CYSTM1: variants seen among roughly 807,000 people sequenced by gnomAD.
CYSTM1 encodes the protein cysteine rich transmembrane module containing 1.
A neutral mutation model predicts 13.1 loss-of-function variants in CYSTM1; 4 were observed. That is an observed-to-expected ratio of 0.31 (90% CI 0.15 to 0.70). The LOEUF is 0.70. CYSTM1 is among the 30% of genes least tolerant of loss of function. The probability of loss-of-function intolerance (pLI) is 0.72; values close to 1 mark genes in which losing one functional copy is unlikely to be tolerated. For synonymous variants in CYSTM1, 36 were observed against 42.7 expected, an observed-to-expected ratio of 0.84 and a Z score of 0.62; for missense variants, 96 against 121.6, an observed-to-expected ratio of 0.79 and a Z score of 0.99.
At chr5:140,224,200 C>T (rs1245943394) in intron 2 of CYSTM1, among the ~76,000 whole-genome samples, 2 of 152,090 alleles carry the variant, frequency 1.3e-5, no homozygotes, top group African/African-American at 4.8e-5. Context: ...AGTGCAGTGG[C>T]GAAATCTCGG....
Position 140,243,572 on chromosome 5 carries a change from T to TTTAA in CYSTM1, c.*164_*167dup. On this transcript the variant is annotated 3_prime_UTR_variant, in exon 3 of 3. Transcript: ENST00000261811. ...TCTAGATTAATGGGGGTTGCTACTG[T>TTTAA]TTAATTCAGTGACTTGATCTTTTTA... 1.8e-6 allele frequency: 1 copy of TTTAA among 542,350 alleles called. No individual in the cohort carries two copies. The highest frequency in any genetic ancestry group is 3.2e-6 in the Non-Finnish European group (1 of 309,488). 33.6% of individuals were successfully genotyped at this position (542,350 alleles called of 1,614,324 possible).
intron 2 of CYSTM1, among the ~76,000 whole-genome samples, chr5:140,214,873 C>T (rs983520892): frequency 2.6e-5 from 4 of 152,194 alleles, no homozygotes; most frequent in African/African-American, 9.7e-5. Flanking sequence ...TGCTGTAGGT[C>T]ATTGGTGTGG....
chr5:140,241,148 C>G (rs1764742828), intron 2 of CYSTM1, among the ~76,000 whole-genome samples: 1 of 152,182 alleles, frequency 6.6e-6, no homozygotes, highest in African/African-American at 2.4e-5. Flanking sequence ...TATGTGAAAG[C>G]CCTGGCAAGA....
In CYSTM1 at chr5:140,190,178, T is replaced by C. The variant is rs540794589; in HGVS notation, c.-20-4268T>C. 2.6e-5 allele frequency among the ~76,000 whole-genome samples: 4 copies of C among 152,374 alleles called. No individual in the cohort carries two copies. The South Asian group carries it at 8.3e-4, about 32-fold the overall frequency. On this transcript the variant is annotated intron_variant, in intron 1 of 2. Coordinates refer to ENST00000261811, the MANE Select transcript of CYSTM1 (RefSeq NM_032412.4). ...AGTTGAGACATGCTGAATACAGAACTTTTAAATTTTTCTTACACAGTATTA... is the reference window on the plus strand; with the variant it reads ...AGTTGAGACATGCTGAATACAGAACCTTTAAATTTTTCTTACACAGTATTA...
intron 1 of CYSTM1, among the ~76,000 whole-genome samples, chr5:140,182,244 G>A (rs1488862373): frequency 6.6e-6 from 1 of 152,184 alleles, no homozygotes; most frequent in Non-Finnish European, 1.5e-5. Flanking sequence ...CCAAAGATAT[G>A]ACTCACTAAT....
In CYSTM1 at chr5:140,200,442, G is replaced by A. The variant is rs1048987439; in HGVS notation, c.187+5790G>A. On this transcript the variant is annotated intron_variant, in intron 2 of 2. Coordinates refer to ENST00000261811, the MANE Select transcript of CYSTM1 (RefSeq NM_032412.4). The stretch of plus-strand genomic sequence containing the variant: ...GATCAAGTGGTTATAGATGTGTGGT[G>A]TTATTTCTGAGGCCTCTGTTCTGTT... 9 of 151,482 alleles carry A rather than the reference G, an allele frequency of 5.9e-5. No homozygotes were observed. In the East Asian group the frequency reaches 9.7e-4, roughly 16 times the overall value. 9.4% of individuals were successfully genotyped at this position (151,482 alleles called of 1,614,324 possible). A position where few individuals can be genotyped will look rare whatever the true frequency, so the allele number is the denominator to read the frequency against.
intron 2 of CYSTM1, among the ~76,000 whole-genome samples, chr5:140,223,222 GAGA>G (rs1276167192): frequency 6.6e-6 from 1 of 152,220 alleles, no homozygotes; most frequent in Non-Finnish European, 1.5e-5. Context: ...TGTTGCAAAG[GAGA>G]AGGAGGAGGA....
chr5:140,190,180 T>C (rs1764073823), intron 1 of CYSTM1, among the ~76,000 whole-genome samples: 1 of 152,246 alleles, frequency 6.6e-6, no homozygotes. Flanking sequence ...TACAGAACTT[T>C]TAAATTTTTC....
chr5:140,227,715 G>C (rs909611140), intron 2 of CYSTM1, among the ~76,000 whole-genome samples: 19 of 152,134 alleles, frequency 1.2e-4, no homozygotes, highest in Admixed American at 2.6e-4. Flanking sequence ...AACTATCTTA[G>C]AGCAGTTGAA....
intron 1 of CYSTM1, among the ~76,000 whole-genome samples, chr5:140,192,550 C>G (rs970087941): frequency 4.6e-5 from 7 of 152,098 alleles, no homozygotes; most frequent in African/African-American, 1.7e-4. Context: ...TCTGAATGGC[C>G]CACTTAATCT....
At position 140,194,670 on chromosome 5, in the gene CYSTM1, T is replaced by C. The variant is rs1581061135; in HGVS notation, c.187+18T>C. 1.2e-6 allele frequency: 2 copies of C among 1,602,000 alleles called. No homozygotes were observed. Among genetic ancestry groups the C allele is most frequent in the Non-Finnish European group, 8.5e-7 (1 of 1,176,336 alleles). ...AACCACAGGTGTGTGTCTCTGAATATGTGGGTGTGCAGTCCCGTGTCACTA... is the reference window on the plus strand; with the variant it reads ...AACCACAGGTGTGTGTCTCTGAATACGTGGGTGTGCAGTCCCGTGTCACTA... On this transcript the variant is annotated intron_variant, in intron 2 of 2. Transcript: ENST00000261811.
chr5:140,243,689 T>G lies in CYSTM1; in HGVS notation c.*278T>G. 3.5e-6 allele frequency: 1 copy of G among 283,648 alleles called. No individual in the cohort carries two copies. The highest frequency in any genetic ancestry group is 5.5e-5 in the South Asian group (1 of 18,228). The allele number at this position is 283,648 out of a possible 1,614,324, so 17.6% of individuals were successfully genotyped here. A position where few individuals can be genotyped will look rare whatever the true frequency, so the allele number is the denominator to read the frequency against. On this transcript the variant is annotated 3_prime_UTR_variant, in exon 3 of 3. Transcript: ENST00000261811. ...AGTTGTGAAAAATATAATTTTTAAA[T>G]TATACATTCAAGGTAGTGGCCAAAT...
At chr5:140,232,237 A>G (rs1386706587) in intron 2 of CYSTM1, among the ~76,000 whole-genome samples, 3 of 152,236 alleles carry the variant, frequency 2.0e-5, no homozygotes, top group East Asian at 3.8e-4. Context: ...CAAAGTATCT[A>G]TGAGACATTC....
At chr5:140,179,229 C>T (rs1322537142) in intron 1 of CYSTM1, among the ~76,000 whole-genome samples, 2 of 151,584 alleles carry the variant, frequency 1.3e-5, no homozygotes, top group African/African-American at 4.9e-5. Flanking sequence ...CACCGCACTC[C>T]AGCCTGGAAG....
intron 1 of CYSTM1, among the ~76,000 whole-genome samples, chr5:140,193,475 G>A (rs1368077851): frequency 1.3e-5 from 2 of 152,112 alleles, no homozygotes; most frequent in African/African-American, 4.8e-5. Flanking sequence ...GTAGAGACGG[G>A]GTTTCACCAT....
chr5:140,193,820 C>T (rs182365731), intron 1 of CYSTM1, among the ~76,000 whole-genome samples: 105 of 152,292 alleles, frequency 6.9e-4, no homozygotes, highest in African/African-American at 2.2e-3. Flanking sequence ...GCAGAGGAGA[C>T]GCTTGGCATT....
intron 2 of CYSTM1, among the ~76,000 whole-genome samples, chr5:140,234,021 A>G (rs531562793): frequency 6.6e-6 from 1 of 152,284 alleles, no homozygotes; most frequent in African/African-American, 2.4e-5. Context: ...GTGTCAGTCT[A>G]AGGACTCTTT....
At chr5:140,205,328 G>C (rs1030090421) in intron 2 of CYSTM1, among the ~76,000 whole-genome samples, 13 of 152,192 alleles carry the variant, frequency 8.5e-5, no homozygotes, top group African/African-American at 3.1e-4. Context: ...TCAGTGTGAG[G>C]AAAGAAGAGG....
chr5:140,203,572 T>C (rs1038710979), intron 2 of CYSTM1, among the ~76,000 whole-genome samples: 14 of 152,340 alleles, frequency 9.2e-5, no homozygotes, highest in African/African-American at 3.4e-4. Flanking sequence ...GACTGAAACA[T>C]TCTAAATAAC....
Sources: gnomAD v4.1 joint callset for allele counts (sites outside exome capture counted in the v4.1 genomes callset) on GRCh38, gnomAD v4.1.1 for gene constraint, MANE v1.5 for transcripts, NCBI Gene and HGNC (gene_info 2026-07-23, HGNC 2026-07-21) for gene names.